The following KANSL1 variants were observed in gnomAD, a reference collection of about 807,000 sequenced individuals.
KANSL1 encodes KAT8 regulatory NSL complex subunit 1.
A neutral mutation model predicts 103.6 loss-of-function variants in KANSL1; 22 were observed. That is an observed-to-expected ratio of 0.21 (90% CI 0.15 to 0.30). The LOEUF is 0.30. KANSL1 is among the 10% of genes least tolerant of loss of function. KANSL1 has a pLI of 1.00. For missense variants in KANSL1, 1,337 were observed against 1,399.8 expected (o/e 0.96, Z 0.72); for synonymous variants, 600 against 527.6 (o/e 1.14, Z -1.88).
chr17:46,136,526 A>G (rs2044152232), intron 2 of KANSL1, among the ~76,000 whole-genome samples: 1 of 152,240 alleles, frequency 6.6e-6, no homozygotes, highest in Non-Finnish European at 1.5e-5. Flanking sequence ...ATCAGCACTG[A>G]CTTCCTCAAC....
intron 4 of KANSL1, among the ~76,000 whole-genome samples, chr17:46,072,659 C>G (rs1568416333): frequency 6.6e-6 from 1 of 152,094 alleles, no homozygotes; most frequent in Non-Finnish European, 1.5e-5. Context: ...TTGTACTAAA[C>G]AAGAAGTGGA....
intron 2 of KANSL1, among the ~76,000 whole-genome samples, chr17:46,141,289 C>G (rs1038783054): frequency 6.6e-6 from 1 of 152,188 alleles, no homozygotes; most frequent in African/African-American, 2.4e-5. Flanking sequence ...AGCATTTACA[C>G]TCAGAGGCTA....
At chr17:46,181,468 C>T (rs546061256) in intron 1 of KANSL1, among the ~76,000 whole-genome samples, 1 of 151,946 alleles carries the variant, frequency 6.6e-6, no homozygotes, top group Non-Finnish European at 1.5e-5. Flanking sequence ...TCGCTCTTGT[C>T]CCCCAGGCTG....
In KANSL1 at chr17:46,050,701, G is replaced by C. The variant is rs751838230; in HGVS notation, c.1852C>G (p.His618Asp). ...NSIVPLSKKV[H>D]RNSTIRPGCD... The stretch of plus-strand genomic sequence containing the variant: ...CCAGGGCGGATTGTGCTGTTCCGGT[G>C]AACCTGTGAAAAAAGCCAAACAAAA... Residue 618 changes from histidine (H) to aspartate (D), a missense_variant, in exon 7 of 15, where the codon CAC becomes GAC. Transcript: ENST00000432791. 6.2e-7 allele frequency: 1 copy of C among 1,605,726 alleles called. No homozygotes were observed. The highest frequency in any genetic ancestry group is 1.7e-5 in the Admixed American group (1 of 59,448).
chr17:46,160,713 C>T (rs1019952221), intron 2 of KANSL1, among the ~76,000 whole-genome samples: 8 of 152,252 alleles, frequency 5.3e-5, no homozygotes, highest in African/African-American at 1.4e-4. Context: ...TCAAAAAATA[C>T]GTATTACCAA....
intron 6 of KANSL1, among the ~76,000 whole-genome samples, chr17:46,056,869 G>A (rs2077950416): frequency 6.6e-6 from 1 of 152,204 alleles, no homozygotes; most frequent in Non-Finnish European, 1.5e-5. Context: ...ACAGTCCTGT[G>A]CACTGTAGAT....
intron 1 of KANSL1, among the ~76,000 whole-genome samples, chr17:46,189,318 G>A (rs1381709074): frequency 6.6e-6 from 1 of 152,078 alleles, no homozygotes; most frequent in Admixed American, 6.5e-5. Context: ...GTTTACCCTA[G>A]TCCCTCCCCT....
chr17:46,144,751 TTCA>T lies in KANSL1; in HGVS notation c.1289+26101_1289+26103del, dbSNP rs1258681756. Among the ~76,000 whole-genome samples the T allele has an allele frequency of 7.4e-3, 1,130 of 152,286 alleles. 22 individuals are homozygous for T. The highest frequency in any genetic ancestry group is 0.026 in the African/African-American group (1,067 of 41,534). On this transcript the variant is annotated intron_variant, in intron 2 of 14. Transcript: ENST00000432791. ...AGGCTAGTAGTGATGATTTTGCTTT[TTCA>T]GTCCCCTCCTCACAAACAAATGATG...
At chr17:46,143,593 A>G (rs2044535096) in intron 2 of KANSL1, among the ~76,000 whole-genome samples, 1 of 152,264 alleles carries the variant, frequency 6.6e-6, no homozygotes, top group East Asian at 1.9e-4. Context: ...TCACGAGGTC[A>G]GGAGATTGAG....
chr17:46,185,961 GA>G (rs2047011523), intron 1 of KANSL1, among the ~76,000 whole-genome samples: 1 of 151,198 alleles, frequency 6.6e-6, no homozygotes, highest in Non-Finnish European at 1.5e-5. Context: ...CTCTTTAGCT[GA>G]CAAAAGACAG....
chr17:46,170,561 T>C (rs538531468), intron 2 of KANSL1: 41 of 430,240 alleles, frequency 9.5e-5, no homozygotes, highest in Admixed American at 3.1e-4. Context: ...CTAAATTCAC[T>C]CTTAAAGAGG....
At chr17:46,089,398 CTTT>C (rs377351806) in intron 3 of KANSL1, among the ~76,000 whole-genome samples, 1 of 145,346 alleles carries the variant, frequency 6.9e-6, no homozygotes. Context: ...GTCACAAATA[CTTT>C]TTTTTTTTTT....
At chr17:46,079,121 C>G (rs1226144896) in intron 4 of KANSL1, among the ~76,000 whole-genome samples, 4 of 152,228 alleles carry the variant, frequency 2.6e-5, no homozygotes, top group African/African-American at 9.7e-5. Context: ...ACAGTACCCA[C>G]TTCCCTAACC....
rs918795588 is a variant in KANSL1, at chr17:46,084,086, T to C, written c.1432-1544A>G. Among the ~76,000 whole-genome samples, 23 of 147,004 alleles carry C rather than the reference T, an allele frequency of 1.6e-4. 1 individual carries two copies. Among genetic ancestry groups the C allele is most frequent in the African/African-American group, 2.4e-5 (1 of 40,940 alleles). On this transcript the variant is annotated intron_variant, in intron 3 of 14. Coordinates refer to ENST00000432791, the MANE Select transcript of KANSL1 (RefSeq NM_015443.4). ...GACTACACTTAGCCCGTATCAAAAA[T>C]GAATTGGAGGGTCCCGGAATGGCGG...
At chr17:46,139,601 T>G (rs17584597) in intron 2 of KANSL1, among the ~76,000 whole-genome samples, 36 of 112,620 alleles carry the variant, frequency 3.2e-4, no homozygotes, top group Non-Finnish European at 6.7e-4. Context: ...CTACTTCTTG[T>G]TTTAACCAAT....
At position 46,147,933 on chromosome 17, in the gene KANSL1, G is replaced by C. The variant is rs1045931798; in HGVS notation, c.1289+22922C>G. ...ATAAAATTTAAAGATGTGTATTTAG[G>C]GTAGAAATAACCTTGACCTTGGTAG... On this transcript the variant is annotated intron_variant, in intron 2 of 14. Transcript: ENST00000432791. Among the ~76,000 whole-genome samples, 3 of 152,196 alleles carry C rather than the reference G, an allele frequency of 2.0e-5. No individual in the cohort carries two copies. In the South Asian group the frequency reaches 6.2e-4, roughly 32 times the overall value.
At chr17:46,196,658 CATTT>C (rs1019011963), upstream of KANSL1, 1 of 298,746 alleles carries the variant, frequency 3.3e-6, no homozygotes, top group African/African-American at 2.2e-5. Context: ...TAACAATAAA[CATTT>C]ATTAATTGCT....
At chr17:46,143,817 A>AAAAAAAAAAAAAG (rs1233537081) in intron 2 of KANSL1, among the ~76,000 whole-genome samples, 11 of 151,542 alleles carry the variant, frequency 7.3e-5, no homozygotes, top group Admixed American at 2.0e-4. Flanking sequence ...AAAAAAAAAA[A>AAAAAAAAAAAAAG]AAAAAAAAAA....
At chr17:46,106,546 C>T (rs2042576608) in intron 2 of KANSL1, among the ~76,000 whole-genome samples, 1 of 152,164 alleles carries the variant, frequency 6.6e-6, no homozygotes. Flanking sequence ...GCGTCCACCA[C>T]CACACCTGGC....
Sources: gnomAD v4.1 joint callset for allele counts (sites outside exome capture counted in the v4.1 genomes callset) on GRCh38, gnomAD v4.1.1 for gene constraint, MANE v1.5 for transcripts, NCBI Gene and HGNC (gene_info 2026-07-23, HGNC 2026-07-21) for gene names.